The following TSNARE1 variants were observed in gnomAD, a reference collection of about 807,000 sequenced individuals.
TSNARE1 encodes t-SNARE domain-containing protein 1.
A neutral mutation model predicts 62.0 loss-of-function variants in TSNARE1; 49 were observed. The observed-to-expected ratio is 0.79, with a 90% confidence interval of 0.63 to 1.00. TSNARE1 has a LOEUF of 1.00. Among genes scored for constraint, TSNARE1 ranks in the 50% least tolerant of loss-of-function variants. The pLI is 0.00. For synonymous variants in TSNARE1, 328 were observed against 294.4 expected (o/e 1.11, Z -1.17); for missense variants, 755 against 700.1 (o/e 1.08, Z -0.88).
intron 11 of TSNARE1, among the ~76,000 whole-genome samples, chr8:142,282,683 C>T: frequency 1.4e-5 from 2 of 146,710 alleles, no homozygotes; most frequent in Non-Finnish European, 1.5e-5. Flanking sequence ...CACTGTCTGT[C>T]AATGAGCAGA....
chr8:142,396,648 A>G (rs914242510), intron 1 of TSNARE1, among the ~76,000 whole-genome samples: 23 of 152,246 alleles, frequency 1.5e-4, no homozygotes, highest in African/African-American at 5.1e-4. Context: ...TGGGCCGGGC[A>G]GCAGAACGGT....
intron 9 of TSNARE1, among the ~76,000 whole-genome samples, chr8:142,310,900 A>C (rs1446478678): frequency 6.6e-6 from 1 of 152,054 alleles, no homozygotes; most frequent in Non-Finnish European, 1.5e-5. Flanking sequence ...CCCAGGCTGG[A>C]ATGAAATGGC....
rs939400877 is a variant in TSNARE1, at chr8:142,314,914, C to A, written c.1074+89G>T. 2.3e-6 allele frequency: 3 copies of A among 1,298,658 alleles called. No individual in the cohort carries two copies. In the African/African-American group the frequency reaches 4.4e-5, roughly 19 times the overall value. The allele number at this position is 1,298,658 out of a possible 1,614,324, so 80.4% of individuals were successfully genotyped here. On this transcript the variant is annotated intron_variant, in intron 8 of 13. Coordinates refer to ENST00000524325, the MANE Select transcript of TSNARE1 (RefSeq NM_145003.5). Reference sequence around the variant, plus strand: ...TGGGGATGGGGCTGCACCAGGCCCACAGGGACAAGACAGCCATGACAGTGC... The same window carrying A: ...TGGGGATGGGGCTGCACCAGGCCCAAAGGGACAAGACAGCCATGACAGTGC...
At chr8:142,256,590 C>T (rs1295384826) in intron 12 of TSNARE1, among the ~76,000 whole-genome samples, 3 of 149,970 alleles carry the variant, frequency 2.0e-5, no homozygotes, top group Non-Finnish European at 3.0e-5. Context: ...ACCACCATCA[C>T]CATCACTATC....
rs897101066 is a variant in TSNARE1 at position 142,278,806 on chromosome 8, C to T, written c.1364-3943G>A. The T allele has an allele frequency of 9.1e-6, 9 of 985,282 alleles. No homozygotes were observed. In the African/African-American group the frequency reaches 1.4e-4, roughly 15 times the overall value. The allele number at this position is 985,282 out of a possible 1,614,324, so 61.0% of individuals were successfully genotyped here. A position where few individuals can be genotyped will look rare whatever the true frequency, so the allele number is the denominator to read the frequency against. ...CCACGTGTGGGGCTTCCAAGTGGGC[C>T]CAGAGGGAGGGGCCTGCAGAAGGAG... On this transcript the variant is annotated intron_variant, in intron 11 of 13. Coordinates refer to ENST00000524325, the MANE Select transcript of TSNARE1 (RefSeq NM_145003.5).
intron 1 of TSNARE1, among the ~76,000 whole-genome samples, chr8:142,392,734 A>C (rs751147966): frequency 2.6e-5 from 4 of 152,168 alleles, no homozygotes; most frequent in Non-Finnish European, 4.4e-5. Context: ...CGGGAGTTTG[A>C]GTTTGAGACC....
intron 12 of TSNARE1, chr8:142,272,657 G>A (rs913296224): frequency 1.9e-5 from 17 of 889,590 alleles, no homozygotes; most frequent in East Asian, 2.8e-4. Context: ...GAGGCCCCTC[G>A]CAAGCGGGAG....
intron 1 of TSNARE1, among the ~76,000 whole-genome samples, chr8:142,400,034 T>C (rs1230937382): frequency 6.7e-6 from 1 of 150,076 alleles, no homozygotes; most frequent in Non-Finnish European, 1.5e-5. Context: ...GAGACACGCC[T>C]ATCTCAAAAA....
chr8:142,275,363 TGATCA>T, intron 11 of TSNARE1: 1 of 985,256 alleles, frequency 1.0e-6, no homozygotes, highest in South Asian at 4.7e-5. Flanking sequence ...CACAGGGAGC[TGATCA>T]GAAAGTTGTG....
chr8:142,318,685 A>G (rs761754165), intron 6 of TSNARE1, 51 bp from the exon 7 acceptor site: 1 of 1,589,800 alleles, frequency 6.3e-7, no homozygotes, highest in Non-Finnish European at 8.6e-7. Context: ...AAGGCAGCAG[A>G]GAGCAAGGGC....
chr8:142,323,373 G>A (rs968876455), intron 6 of TSNARE1, among the ~76,000 whole-genome samples: 26 of 152,230 alleles, frequency 1.7e-4, no homozygotes, highest in East Asian at 1.3e-3. Flanking sequence ...CAGGCGAGGC[G>A]AGGAACAGCT....
chr8:142,283,864 G>A (rs948105912), intron 11 of TSNARE1, among the ~76,000 whole-genome samples: 1 of 141,312 alleles, frequency 7.1e-6, no homozygotes, highest in Non-Finnish European at 1.6e-5. Context: ...GTCTGTCAAC[G>A]AGCAGAGGCA....
In TSNARE1 at chr8:142,241,337, A is replaced by G. The variant is rs192768156; in HGVS notation, c.1447-11758T>C. On this transcript the variant is annotated intron_variant, in intron 12 of 13. Coordinates refer to ENST00000524325, the MANE Select transcript of TSNARE1 (RefSeq NM_145003.5). ...GAAAGATATATACAATGAAAATTAC[A>G]AAACCTTAATGAAGAAATTGAAGAA... Among the ~76,000 whole-genome samples, 784 of 152,368 alleles carry G rather than the reference A, an allele frequency of 5.1e-3. 5 individuals carry two copies. The highest frequency in any genetic ancestry group is 0.018 in the African/African-American group (754 of 41,582).
intron 13 of TSNARE1, among the ~76,000 whole-genome samples, chr8:142,216,443 G>A (rs1815840991): frequency 6.6e-6 from 1 of 152,200 alleles, no homozygotes; most frequent in Non-Finnish European, 1.5e-5. Context: ...GCGTCCTCTG[G>A]CCACACGCTC....
At chr8:142,273,284 G>A in intron 12 of TSNARE1, 1 of 985,444 alleles carries the variant, frequency 1.0e-6, no homozygotes, top group Non-Finnish European at 1.2e-6. Context: ...GTGCTCAGGA[G>A]GGGTCATCTT....
At chr8:142,396,325 A>G (rs1182215747) in intron 1 of TSNARE1, among the ~76,000 whole-genome samples, 3 of 152,084 alleles carry the variant, frequency 2.0e-5, no homozygotes, top group Admixed American at 6.6e-5. Context: ...AGGCAACCAC[A>G]GCCTCTGGGG....
chr8:142,343,817 A>AGGGGAGAGGGGGAGGGGG, intron 4 of TSNARE1, 149 bp downstream of exon 4: 1 of 197,646 alleles, frequency 5.1e-6, no homozygotes, highest in Non-Finnish European at 7.1e-6. Flanking sequence ...GGAGGAGGGG[A>AGGGGAGAGGGGGAGGGGG]GAGGAGGAGG....
At chr8:142,361,775 G>A (rs1016783710) in intron 1 of TSNARE1, among the ~76,000 whole-genome samples, 6 of 152,154 alleles carry the variant, frequency 3.9e-5, no homozygotes, top group African/African-American at 9.7e-5. Context: ...GGAAAAGACA[G>A]AGGGAGCTGT....
At chr8:142,322,394 T>C (rs1006636935) in intron 6 of TSNARE1, among the ~76,000 whole-genome samples, 7 of 152,246 alleles carry the variant, frequency 4.6e-5, no homozygotes, top group Non-Finnish European at 8.8e-5. Context: ...TCACTACTTT[T>C]ACTCTTCATA....
Sources: gnomAD v4.1 joint callset for allele counts (sites outside exome capture counted in the v4.1 genomes callset) on GRCh38, gnomAD v4.1.1 for gene constraint, MANE v1.5 for transcripts, NCBI Gene and HGNC (gene_info 2026-07-23, HGNC 2026-07-21) for gene names.